Variants in ITGB5 observed in about 807,000 individuals in gnomAD.
ITGB5 encodes integrin subunit beta 5.
Under a neutral mutation model 84.8 loss-of-function variants are expected in ITGB5, and 38 were observed. The observed-to-expected ratio is 0.45, with a 90% CI of 0.35 to 0.59. The LOEUF (loss-of-function observed/expected upper bound fraction) is 0.59. Ranked by LOEUF, ITGB5 falls within the 20% of genes least tolerant of loss-of-function variation. The pLI is 0.01. For synonymous variants in ITGB5, 393 were observed against 414.4 expected (o/e 0.95, Z 0.63); for missense variants, 905 against 1,034.5 (o/e 0.87, Z 1.72).
upstream of ITGB5, among the ~76,000 whole-genome samples, chr3:124,888,261 T>C (rs1013477003): frequency 1.3e-5 from 2 of 152,206 alleles, no homozygotes; most frequent in Non-Finnish European, 2.9e-5. Context: ...GATTTGAGAC[T>C]GGCCAATATG....
Position 124,773,674 on chromosome 3 carries a change from T to G in ITGB5, c.1916+16A>C. On this transcript the variant is annotated intron_variant, in intron 11 of 14. Coordinates refer to ENST00000296181, the MANE Select transcript of ITGB5 (RefSeq NM_002213.5). ...CTGGGTGAGAAGTAAGGTGGGGCTG[T>G]CAGTGGAACCAGTACCTCTTGGTGC... is the stretch of plus-strand genomic sequence containing the variant. 1 of 1,609,440 alleles carries G rather than the reference T, an allele frequency of 6.2e-7. No individual in the cohort carries two copies. The highest frequency in any genetic ancestry group is 8.5e-7 in the Non-Finnish European group (1 of 1,177,800).
rs551927022 is a variant in ITGB5 at position 124,815,598 on chromosome 3, A to AG, written c.1128+2022dup. Among the ~76,000 whole-genome samples the AG allele has an allele frequency of 9.4e-4, 143 of 152,252 alleles. 1 individual carries two copies. The highest frequency in any genetic ancestry group is 3.3e-3 in the African/African-American group (136 of 41,552). The stretch of plus-strand genomic sequence containing the variant: ...GGTCTCCCAGCTCTGGCATCCTCAG[A>AG]GGGAAGGGGAGAGTGGCAAGGCAGG... On this transcript the variant is annotated intron_variant, in intron 8 of 14. Transcript: ENST00000296181.
intron 5 of ITGB5, among the ~76,000 whole-genome samples, chr3:124,828,279 T>C (rs2064812219): frequency 1.3e-5 from 2 of 152,162 alleles, no homozygotes; most frequent in Non-Finnish European, 2.9e-5. Flanking sequence ...CAAAAACTAA[T>C]GTCCATTAAC....
At chr3:124,766,016 C>T (rs2150921370) in intron 13 of ITGB5, among the ~76,000 whole-genome samples, 1 of 148,904 alleles carries the variant, frequency 6.7e-6, no homozygotes, top group East Asian at 2.0e-4. Context: ...GCTGTGATGG[C>T]ACCACTGCAC....
intron 10 of ITGB5, among the ~76,000 whole-genome samples, chr3:124,782,790 G>A (rs1489430298): frequency 6.6e-6 from 1 of 152,084 alleles, no homozygotes; most frequent in Non-Finnish European, 1.5e-5. Context: ...CCCAGGAGGT[G>A]GAGGAGGTTG....
Position 124,796,507 on chromosome 3 carries a change from C to T in ITGB5, c.1574G>A (p.Arg525His), listed in dbSNP as rs61736434. 7.3e-4 allele frequency: 1,181 copies of T among 1,614,150 alleles called. 2 individuals carry two copies. Among genetic ancestry groups the T allele is most frequent in the Non-Finnish European group, 8.9e-4 (1,049 of 1,180,014 alleles). The change falls in exon 10 of 15, where the codon CGT becomes CAT. Residue 525 changes from arginine (R) to histidine (H), a missense_variant. Arg to His is a conservative substitution (Grantham distance 29). Transcript: ENST00000296181. ...EAEGKPLCSG[R>H]GDCSCNQCSC... ...GCACTGGTTGCAGCTGCAGTCCCCA[C>T]GCCCGCTGCACAGTGGCTTGCCCTC...
At chr3:124,812,804 T>C (rs1236178752) in intron 8 of ITGB5, among the ~76,000 whole-genome samples, 3 of 152,218 alleles carry the variant, frequency 2.0e-5, no homozygotes, top group Admixed American at 2.0e-4. Flanking sequence ...AAATTAAACA[T>C]ACCCTTTCCA....
At chr3:124,780,368 CTCT>C (rs1231307210) in intron 10 of ITGB5, among the ~76,000 whole-genome samples, 1 of 152,210 alleles carries the variant, frequency 6.6e-6, no homozygotes, top group East Asian at 1.9e-4. Context: ...AGGAGGGGTT[CTCT>C]TCTTCCCATC....
intron 3 of ITGB5, 50 bp from the exon 4 acceptor site, chr3:124,848,608 G>C (rs772952527): frequency 8.3e-6 from 13 of 1,562,048 alleles, no homozygotes; most frequent in Non-Finnish European, 1.1e-5. Context: ...AACCTGCTGA[G>C]GGCTGAGGGA....
intron 10 of ITGB5, among the ~76,000 whole-genome samples, chr3:124,788,772 AC>A (rs1327667156): frequency 6.6e-6 from 1 of 152,216 alleles, no homozygotes; most frequent in Non-Finnish European, 1.5e-5. Context: ...ATCTGGGTGA[AC>A]ATCAAACTGA....
chr3:124,843,190 C>T (rs1251077829), intron 4 of ITGB5, among the ~76,000 whole-genome samples: 2 of 152,170 alleles, frequency 1.3e-5, no homozygotes, highest in East Asian at 1.9e-4. Context: ...ATGGAAATTA[C>T]ATTCCCAGCT....
rs1193548858 is a variant in ITGB5, at chr3:124,848,513, T to G, written c.407A>C (p.Tyr136Ser). The G allele has an allele frequency of 1.2e-6, 2 of 1,613,988 alleles. No homozygotes were observed. The highest frequency in any genetic ancestry group is 1.7e-6 in the Non-Finnish European group (2 of 1,180,032). Residue 136 changes from tyrosine (Y) to serine (S), a missense_variant, in exon 4 of 15, where the codon TAT becomes TCT. This residue lies in a region of ITGB5 where 656 missense variants were observed against 734.7 expected (regional missense o/e 0.89). Transcript: ENST00000296181. ...FQLQVRQVEDYPVDLYYLMDL... is the reference protein window; with the variant it reads ...FQLQVRQVEDSPVDLYYLMDL... ...CATCAGGTAGTACAGGTCCACAGGA[T>G]AGTCCTCCACCTGGCGAACCTGTAG...
At chr3:124,877,343 T>C (rs1257710734) in intron 1 of ITGB5, among the ~76,000 whole-genome samples, 1 of 152,098 alleles carries the variant, frequency 6.6e-6, no homozygotes, top group Non-Finnish European at 1.5e-5. Flanking sequence ...GGAAAAGAGT[T>C]GCAAAATGTC....
chr3:124,899,853 CAAAAAAA>C lies in ITGB5; in HGVS notation c.-255+1406_-255+1412del, dbSNP rs60859904. On this transcript the variant is annotated intron_variant, in intron 1 of 4. Transcript: ENST00000608657. The stretch of plus-strand genomic sequence containing the variant: ...TCGCCAGCATAGCAAGACCCTGTCT[CAAAAAAA>C]AAAAAAAAAAAAAAAAAAAAAAAGC... Among the ~76,000 whole-genome samples, 277 of 34,960 alleles carry C rather than the reference CAAAAAAA, an allele frequency of 7.9e-3. 5 individuals carry two copies. The East Asian group carries it at 0.21, about 27-fold the overall frequency. 22.9% of individuals were successfully genotyped at this position (34,960 alleles called of 152,430 possible). A position where few individuals can be genotyped will look rare whatever the true frequency, so the allele number is the denominator to read the frequency against.
intron 10 of ITGB5, among the ~76,000 whole-genome samples, chr3:124,785,349 C>T (rs1559931867): frequency 6.6e-6 from 1 of 151,572 alleles, no homozygotes; most frequent in African/African-American, 2.4e-5. Flanking sequence ...TTTGGGAGGC[C>T]AAGGTGGGCA....
intron 3 of ITGB5, among the ~76,000 whole-genome samples, chr3:124,850,638 A>G (rs992283996): frequency 1.3e-5 from 2 of 151,750 alleles, no homozygotes; most frequent in Non-Finnish European, 2.9e-5. Context: ...GCACATGTAT[A>G]CATATGTAAC....
At chr3:124,783,404 A>G (rs1262671473) in intron 10 of ITGB5, among the ~76,000 whole-genome samples, 1 of 152,012 alleles carries the variant, frequency 6.6e-6, no homozygotes, top group African/African-American at 2.4e-5. Context: ...CACTTGGCAC[A>G]CTGATGGACT....
intron 9 of ITGB5, among the ~76,000 whole-genome samples, chr3:124,798,502 C>A (rs1454529917): frequency 6.6e-6 from 1 of 152,160 alleles, no homozygotes; most frequent in African/African-American, 2.4e-5. Flanking sequence ...TCACTGCAGC[C>A]TCTGCCTCCC....
At chr3:124,851,341 A>T (rs848808) in intron 3 of ITGB5, among the ~76,000 whole-genome samples, 2 of 152,198 alleles carry the variant, frequency 1.3e-5, no homozygotes, top group African/African-American at 4.8e-5. Flanking sequence ...TTCCTACACA[A>T]AGAAAACTTT....
Sources: allele counts gnomAD v4.1 joint callset (sites outside exome capture counted in the v4.1 genomes callset), GRCh38; gene constraint gnomAD v4.1.1; regional missense constraint gnomAD v4.1.1; transcripts MANE v1.5; gene names NCBI Gene and HGNC (gene_info 2026-07-23, HGNC 2026-07-21).